AFG1L: variants seen among roughly 807,000 people sequenced by gnomAD.
AFG1L encodes AFG1 like ATPase, also known as AFG1-like ATPase.
In AFG1L, 53 loss-of-function variants were observed where a neutral mutation model predicts 62.2. The observed-to-expected ratio is 0.85, with a 90% CI of 0.68 to 1.07. AFG1L has a LOEUF of 1.07. Among genes scored for constraint, AFG1L ranks in the 50% least tolerant of loss-of-function variants. AFG1L has a pLI of 0.00. For missense variants in AFG1L, 555 were observed against 590.5 expected, an observed-to-expected ratio of 0.94 and a Z score of 0.62; for synonymous variants, 228 against 210.3, an observed-to-expected ratio of 1.08 and a Z score of -0.73.
At chr6:108,448,805 C>A (rs892136640) in intron 8 of AFG1L, among the ~76,000 whole-genome samples, 1 of 152,036 alleles carries the variant, frequency 6.6e-6, no homozygotes, top group African/African-American at 2.4e-5. Context: ...TCCAGGAAAC[C>A]AGACCTACAA....
At chr6:108,364,554 G>A (rs992229729) in intron 5 of AFG1L, among the ~76,000 whole-genome samples, 10 of 152,050 alleles carry the variant, frequency 6.6e-5, no homozygotes, top group Admixed American at 2.0e-4. Context: ...CTCTAAAATC[G>A]GGTAAACTTT....
At chr6:108,429,092 G>A (rs1464101425) in intron 7 of AFG1L, among the ~76,000 whole-genome samples, 1 of 152,130 alleles carries the variant, frequency 6.6e-6, no homozygotes, top group Non-Finnish European at 1.5e-5. Flanking sequence ...TTTGTATAAG[G>A]TAAGGGATAG....
At chr6:108,364,008 A>C (rs907951357) in intron 5 of AFG1L, among the ~76,000 whole-genome samples, 1 of 152,156 alleles carries the variant, frequency 6.6e-6, no homozygotes, top group African/African-American at 2.4e-5. Flanking sequence ...GTCATAATGG[A>C]AAGCAACTCT....
intron 11 of AFG1L, among the ~76,000 whole-genome samples, chr6:108,518,583 T>TGGCACATGTATACA (rs1774994442): frequency 6.6e-6 from 1 of 152,058 alleles, no homozygotes; most frequent in African/African-American, 2.4e-5. Flanking sequence ...CACACTAACA[T>TGGCACATGTATACA]GGCACATGTA....
intron 7 of AFG1L, among the ~76,000 whole-genome samples, chr6:108,431,133 T>TG (rs1373759101): frequency 6.6e-6 from 1 of 152,102 alleles, no homozygotes; most frequent in East Asian, 1.9e-4. Context: ...GGCGAAGTCT[T>TG]GCTCATGTCA....
chr6:108,416,885 G>A (rs1770319908), intron 7 of AFG1L, among the ~76,000 whole-genome samples: 1 of 151,808 alleles, frequency 6.6e-6, no homozygotes, highest in Non-Finnish European at 1.5e-5. Flanking sequence ...TAACAAACCT[G>A]CATGTTGTGC....
At chr6:108,309,065 T>C (rs767925897) in intron 1 of AFG1L, among the ~76,000 whole-genome samples, 6 of 152,200 alleles carry the variant, frequency 3.9e-5, no homozygotes, top group Non-Finnish European at 8.8e-5. Context: ...GTGTCCTATT[T>C]ATGAAATCTT....
chr6:108,314,599 G>C (rs192757755), intron 1 of AFG1L, among the ~76,000 whole-genome samples: 1 of 151,878 alleles, frequency 6.6e-6, no homozygotes, highest in African/African-American at 2.4e-5. Flanking sequence ...GGGTTTCACC[G>C]TGTTGCCTAG....
intron 3 of AFG1L, among the ~76,000 whole-genome samples, chr6:108,352,758 A>G (rs1359162319): frequency 1.3e-5 from 2 of 151,634 alleles, no homozygotes; most frequent in African/African-American, 4.8e-5. Flanking sequence ...TGGAGATGGG[A>G]TTTTGCCATA....
chr6:108,464,950 C>T (rs1411937379), intron 8 of AFG1L, among the ~76,000 whole-genome samples: 1 of 152,316 alleles, frequency 6.6e-6, no homozygotes, highest in East Asian at 1.9e-4. Context: ...GGCAATTACT[C>T]AGAATGGAGC....
intron 1 of AFG1L, 140 bp downstream of exon 1, chr6:108,295,358 C>T (rs1381716967): frequency 1.5e-5 from 14 of 930,598 alleles, no homozygotes; most frequent in Non-Finnish European, 2.1e-5. Context: ...GTTTCCATTT[C>T]TCTTGACCTT....
intron 7 of AFG1L, among the ~76,000 whole-genome samples, chr6:108,421,200 G>A (rs562522872): frequency 6.6e-6 from 1 of 152,282 alleles, no homozygotes; most frequent in Admixed American, 6.5e-5. Context: ...CAACCATGAA[G>A]AGATGTGAGG....
intron 6 of AFG1L, among the ~76,000 whole-genome samples, chr6:108,367,328 C>G (rs1306380119): frequency 6.6e-6 from 1 of 152,116 alleles, no homozygotes; most frequent in African/African-American, 2.4e-5. Flanking sequence ...ATCTCTCTGG[C>G]TGCAGTGTTG....
chr6:108,458,719 A>T (rs1003707709), intron 8 of AFG1L, among the ~76,000 whole-genome samples: 1 of 152,100 alleles, frequency 6.6e-6, no homozygotes, highest in Non-Finnish European at 1.5e-5. Flanking sequence ...TTGTCTACTA[A>T]TACTATCATC....
intron 1 of AFG1L, among the ~76,000 whole-genome samples, chr6:108,296,183 C>G (rs557884354): frequency 6.6e-6 from 1 of 152,122 alleles, no homozygotes; most frequent in Non-Finnish European, 1.5e-5. Context: ...GGTCACCTTA[C>G]GTCTTTCTGC....
intron 6 of AFG1L, among the ~76,000 whole-genome samples, chr6:108,368,161 A>G (rs946351802): frequency 4.0e-5 from 6 of 151,216 alleles, no homozygotes; most frequent in Admixed American, 3.3e-4. Context: ...TTTTATTTTT[A>G]TTTTTGTTTT....
At chr6:108,419,704 A>G (rs565020063) in intron 7 of AFG1L, among the ~76,000 whole-genome samples, 8 of 152,066 alleles carry the variant, frequency 5.3e-5, no homozygotes, top group Non-Finnish European at 8.8e-5. Context: ...TTGGTTGTTC[A>G]TGTTTCTTGA....
intron 6 of AFG1L, among the ~76,000 whole-genome samples, chr6:108,395,402 TC>T (rs147476064): frequency 4.5e-4 from 55 of 123,020 alleles, no homozygotes; most frequent in African/African-American, 1.6e-3. Flanking sequence ...TCTTTTCTTT[TC>T]TTTTTTTTTT....
At chr6:108,432,654 T>C (rs1361749297) in intron 7 of AFG1L, among the ~76,000 whole-genome samples, 3 of 152,194 alleles carry the variant, frequency 2.0e-5, no homozygotes, top group Middle Eastern at 3.2e-3. Flanking sequence ...TCTCTGCTAC[T>C]GTGTAGTAGC....
Sources: allele counts gnomAD v4.1 joint callset (sites outside exome capture counted in the v4.1 genomes callset), GRCh38; gene constraint gnomAD v4.1.1; transcripts MANE v1.5; gene names NCBI Gene and HGNC (gene_info 2026-07-23, HGNC 2026-07-21).